The following ADGRV1 variants were observed in gnomAD, a reference collection of about 807,000 sequenced individuals.
ADGRV1 encodes the protein adhesion G protein-coupled receptor V1, also known as G-protein coupled receptor 98.
ADGRV1 carries 359 observed loss-of-function variants against 596.2 expected under a neutral mutation model. The ratio of observed to expected loss-of-function variants is 0.60; its 90% confidence interval spans 0.55 to 0.66. The LOEUF is 0.66. ADGRV1 is among the 30% of genes least tolerant of loss of function. The probability of loss-of-function intolerance (pLI) is 0.00; values close to 1 mark genes in which losing one functional copy is unlikely to be tolerated. For synonymous variants in ADGRV1, 2,681 were observed against 2,679.2 expected (o/e 1.00, Z -0.02); for missense variants, 7,274 against 7,575.6 (o/e 0.96, Z 1.48).
intron 3 of ADGRV1, among the ~76,000 whole-genome samples, chr5:90,618,355 G>T (rs1763630458): frequency 6.6e-6 from 1 of 152,174 alleles, no homozygotes; most frequent in Admixed American, 6.5e-5. Flanking sequence ...CTTAAATTCA[G>T]AGTACCGCTG....
At chr5:90,795,333 G>A (rs1760576145) in intron 70 of ADGRV1, among the ~76,000 whole-genome samples, 2 of 152,142 alleles carry the variant, frequency 1.3e-5, no homozygotes, top group South Asian at 4.1e-4. Context: ...CGTCCACCAT[G>A]GCTGAGGCTT....
At chr5:90,977,301 G>C (rs184417491) in intron 84 of ADGRV1, among the ~76,000 whole-genome samples, 1 of 152,270 alleles carries the variant, frequency 6.6e-6, no homozygotes, top group Non-Finnish European at 1.5e-5. Flanking sequence ...ACATTTCTTA[G>C]ACTCCCATCT....
Position 90,778,572 on chromosome 5 carries a change from T to C in ADGRV1, c.12812T>C (p.Phe4271Ser). The change falls in exon 63 of 90, where the codon TTT becomes TCT. Residue 4271 changes from phenylalanine (F) to serine (S), a missense_variant. Physicochemically the swap from Phe to Ser is radical, Grantham distance 155. Coordinates refer to ENST00000405460, the MANE Select transcript of ADGRV1 (RefSeq NM_032119.4). ...GACTCTCCCTATGGCCGATTTGCCT[T>C]TTCACATGAGCAACTTCGAGTGTCA... ...ASDSPYGRFA[F>S]SHEQLRVSEA... 6.2e-7 allele frequency: 1 copy of C among 1,606,864 alleles called. No individual in the cohort carries two copies. Among genetic ancestry groups the C allele is most frequent in the Non-Finnish European group, 8.5e-7 (1 of 1,175,806 alleles).
chr5:91,099,452 G>A (rs776639506), intron 86 of ADGRV1, among the ~76,000 whole-genome samples: 38 of 152,302 alleles, frequency 2.5e-4, no homozygotes, highest in Non-Finnish European at 3.5e-4. Flanking sequence ...GAAGCCAATC[G>A]TTGTGAGGAA....
intron 87 of ADGRV1, among the ~76,000 whole-genome samples, chr5:91,148,363 AG>A (rs1489178006): frequency 2.0e-5 from 3 of 152,164 alleles, no homozygotes; most frequent in Non-Finnish European, 4.4e-5. Flanking sequence ...GACCTGGTCC[AG>A]GGCCCCGCTG....
At chr5:91,029,831 A>G (rs1784331450) in intron 85 of ADGRV1, among the ~76,000 whole-genome samples, 2 of 152,078 alleles carry the variant, frequency 1.3e-5, no homozygotes, top group African/African-American at 4.8e-5. Context: ...AGTCATATTA[A>G]CCAATATTTT....
In ADGRV1 at chr5:90,653,609, T is replaced by C; in HGVS notation, c.4035T>C (p.His1345=). 6.2e-7 allele frequency: 1 copy of C among 1,613,680 alleles called. No individual in the cohort carries two copies. Among genetic ancestry groups the C allele is most frequent in the Non-Finnish European group, 8.5e-7 (1 of 1,179,768 alleles). Residue 1345 remains histidine, a synonymous_variant, in exon 20 of 90, where the codon CAT becomes CAC. Coordinates refer to ENST00000405460, the MANE Select transcript of ADGRV1 (RefSeq NM_032119.4). ...TTGGGACTGTTAATCCAAAATACCA[T>C]CCCTCCAGGAATAATACAATTGCCA... ...GAFGTVNPKY[H]PSRNNTIANF...
Position 90,840,771 on chromosome 5 carries a change from CAAA to C in ADGRV1, c.16807_16809del (p.Lys5603del). The stretch of plus-strand genomic sequence containing the variant: ...CGCTTCCAGATTGTCCTTTTTGACC[CAAA>C]AGGTGGTGCCAGAATTGATAAAGTG... On this transcript the variant is annotated inframe_deletion, in exon 78 of 90. Transcript: ENST00000405460. The C allele has an allele frequency of 6.2e-7, 1 of 1,613,796 alleles. No individual in the cohort carries two copies. Among genetic ancestry groups the C allele is most frequent in the East Asian group, 2.2e-5 (1 of 44,866 alleles).
intron 87 of ADGRV1, among the ~76,000 whole-genome samples, chr5:91,119,704 T>G (rs925344370): frequency 5.3e-5 from 8 of 152,294 alleles, no homozygotes; most frequent in East Asian, 1.9e-4. Flanking sequence ...GGGCAAACAT[T>G]AAGAAATAAA....
intron 83 of ADGRV1, among the ~76,000 whole-genome samples, chr5:90,885,287 C>T (rs562767470): frequency 6.6e-6 from 1 of 152,172 alleles, no homozygotes; most frequent in Non-Finnish European, 1.5e-5. Context: ...AATCTCTTGG[C>T]AGTCTTTCTA....
chr5:90,843,809 G>A (rs1249398832), intron 78 of ADGRV1, among the ~76,000 whole-genome samples: 1 of 152,020 alleles, frequency 6.6e-6, no homozygotes, highest in Non-Finnish European at 1.5e-5. Context: ...ATAAAAACTG[G>A]GAAAAACGAT....
intron 1 of ADGRV1, among the ~76,000 whole-genome samples, chr5:90,591,698 A>T (rs1348201149): frequency 6.6e-6 from 1 of 152,204 alleles, no homozygotes; most frequent in Non-Finnish European, 1.5e-5. Context: ...TTAGTAGCTA[A>T]AAATACTTTG....
chr5:91,114,837 T>C (rs1225808372), intron 87 of ADGRV1, among the ~76,000 whole-genome samples: 9 of 152,188 alleles, frequency 5.9e-5, no homozygotes, highest in Non-Finnish European at 1.0e-4. Flanking sequence ...GCTTCAGAAG[T>C]GGAACATGCT....
At chr5:91,030,541 T>A (rs1017118484) in intron 85 of ADGRV1, among the ~76,000 whole-genome samples, 1 of 150,024 alleles carries the variant, frequency 6.7e-6, no homozygotes, top group African/African-American at 2.5e-5. Context: ...ATGTTTTCTA[T>A]TTTTATTGAG....
At chr5:90,888,215 G>A (rs1770482938) in intron 83 of ADGRV1, among the ~76,000 whole-genome samples, 1 of 152,096 alleles carries the variant, frequency 6.6e-6, no homozygotes, top group African/African-American at 2.4e-5. Flanking sequence ...ATTAAATAAT[G>A]TTTTCCCTCT....
intron 21 of ADGRV1, among the ~76,000 whole-genome samples, chr5:90,662,614 T>G (rs1580643844): frequency 6.6e-6 from 1 of 152,256 alleles, no homozygotes; most frequent in East Asian, 1.9e-4. Flanking sequence ...TTTCTTTTTT[T>G]TCTTTTATTA....
chr5:90,867,914 G>A (rs548840750), intron 83 of ADGRV1, among the ~76,000 whole-genome samples: 22 of 152,262 alleles, frequency 1.4e-4, no homozygotes, highest in African/African-American at 5.1e-4. Flanking sequence ...GTATGTAAGC[G>A]TTTAAGTACA....
At chr5:90,623,979 T>C (rs1461990492) in intron 5 of ADGRV1, among the ~76,000 whole-genome samples, 1 of 152,214 alleles carries the variant, frequency 6.6e-6, no homozygotes, top group Non-Finnish European at 1.5e-5. Flanking sequence ...AACATGATTA[T>C]ATACTATTTT....
intron 83 of ADGRV1, among the ~76,000 whole-genome samples, chr5:90,907,538 A>G (rs1772438476): frequency 6.7e-6 from 1 of 150,280 alleles, no homozygotes; most frequent in East Asian, 2.0e-4. Context: ...CACCCCTCAT[A>G]TGTTAGTTTG....
Sources: gnomAD v4.1 joint callset for allele counts (sites outside exome capture counted in the v4.1 genomes callset) on GRCh38, gnomAD v4.1.1 for gene constraint, MANE v1.5 for transcripts, NCBI Gene and HGNC (gene_info 2026-07-23, HGNC 2026-07-21) for gene names.